Variants in BCAS3 observed in about 807,000 individuals in gnomAD.
BCAS3 encodes BCAS4/BCAS3 fusion.
Under a neutral mutation model 116.1 loss-of-function variants are expected in BCAS3, and 53 were observed. The observed-to-expected ratio is 0.46, with a 90% confidence interval of 0.37 to 0.57. The LOEUF (loss-of-function observed/expected upper bound fraction) is 0.57. BCAS3 is among the 20% of genes least tolerant of loss of function. BCAS3 has a pLI of 0.00. For synonymous variants in BCAS3, 391 were observed against 408.2 expected, an observed-to-expected ratio of 0.96 and a Z score of 0.51; for missense variants, 917 against 1,165.4, an observed-to-expected ratio of 0.79 and a Z score of 3.10.
chr17:60,854,999 G>T (rs1264235324), intron 7 of BCAS3, among the ~76,000 whole-genome samples: 1 of 137,668 alleles, frequency 7.3e-6, no homozygotes, highest in Non-Finnish European at 1.5e-5. Context: ...GCCCAGGCTG[G>T]AGTGCAGTGG....
chr17:61,243,753 CTT>C lies in BCAS3; in HGVS notation c.2426-124573_2426-124572del, dbSNP rs2047710170. ...CTAGAGACTTCAGGGAAAATAATAA[CTT>C]ATAACTATTTTATGTAGTTGAGGGA... On this transcript the variant is annotated intron_variant, in intron 22 of 23. Transcript: ENST00000407086. The surrounding 1 kb of genome is among the most constrained non-coding windows in gnomAD (Gnocchi z 5.6). 6.6e-6 allele frequency among the ~76,000 whole-genome samples: 1 copy of C among 152,164 alleles called. No homozygotes were observed. The highest frequency in any genetic ancestry group is 2.1e-4 in the South Asian group (1 of 4,826).
intron 23 of BCAS3, chr17:61,382,899 G>A (rs2059675481): frequency 6.6e-6 from 1 of 152,440 alleles, no homozygotes. Context: ...AGGAGGCCGA[G>A]GGGCAGAGGC....
At chr17:60,882,311 G>GT (rs1599401284) in intron 9 of BCAS3, among the ~76,000 whole-genome samples, 1 of 148,216 alleles carries the variant, frequency 6.7e-6, no homozygotes, top group South Asian at 2.1e-4. Flanking sequence ...TTGTAAATTT[G>GT]TTTGAGTTCA....
In BCAS3 at chr17:61,199,574, G is replaced by C. The variant is rs951443064; in HGVS notation, c.2425+115010G>C. On this transcript the variant is annotated intron_variant, in intron 22 of 23. Transcript: ENST00000407086. This position sits in a 1 kb window ranked among gnomAD's most constrained non-coding sequence, Gnocchi z 4.6. The stretch of plus-strand genomic sequence containing the variant: ...CCTGACTGCACCTTGTGAAAGGTTA[G>C]AACTGGGATAATAACTGTGATGAAC... Among the ~76,000 whole-genome samples the C allele has an allele frequency of 1.3e-5, 2 of 152,158 alleles. No individual in the cohort carries two copies. The highest frequency in any genetic ancestry group is 2.9e-5 in the Non-Finnish European group (2 of 68,032).
At chr17:61,100,439 C>A (rs936977130) in intron 22 of BCAS3, among the ~76,000 whole-genome samples, 2 of 152,164 alleles carry the variant, frequency 1.3e-5, no homozygotes, top group Non-Finnish European at 2.9e-5. Flanking sequence ...TGACACTTTT[C>A]ATTTCTCTTG....
intron 22 of BCAS3, among the ~76,000 whole-genome samples, chr17:61,177,402 C>T (rs1400870915): frequency 2.0e-5 from 3 of 152,070 alleles, no homozygotes; most frequent in South Asian, 4.1e-4. Flanking sequence ...TTGATAAATG[C>T]GATAATATGG....
At chr17:61,287,011 G>A (rs902210209) in intron 22 of BCAS3, among the ~76,000 whole-genome samples, 1 of 152,122 alleles carries the variant, frequency 6.6e-6, no homozygotes, top group South Asian at 2.1e-4. Context: ...CACTTTGGGA[G>A]GCTGAGGTGG....
chr17:60,767,421 T>C (rs1038738231), intron 6 of BCAS3, among the ~76,000 whole-genome samples: 19 of 145,486 alleles, frequency 1.3e-4, no homozygotes, highest in Non-Finnish European at 2.8e-4. Flanking sequence ...CTCGGCTCAC[T>C]GCAACCTCTG....
Position 61,011,691 on chromosome 17 carries a change from G to T in BCAS3, c.1487-4060G>T, listed in dbSNP as rs761590209. ...TATCCTCAGGAGTATAGGCAGCCTG[G>T]TGGAGTCTCCAGTATTGTGGAGGAC... is the stretch of plus-strand genomic sequence containing the variant. On this transcript the variant is annotated intron_variant, in intron 15 of 23. Coordinates refer to ENST00000407086, the MANE Select transcript of BCAS3 (RefSeq NM_017679.5). Among the ~76,000 whole-genome samples, 5 of 152,136 alleles carry T rather than the reference G, an allele frequency of 3.3e-5. No homozygotes were observed. The South Asian group carries it at 8.3e-4, about 25-fold the overall frequency.
chr17:60,810,022 G>A (rs1332591266), intron 7 of BCAS3: 1 of 181,686 alleles, frequency 5.5e-6, no homozygotes, highest in African/African-American at 2.4e-5. Flanking sequence ...TATATAAAAT[G>A]TCTATTTTTA....
intron 22 of BCAS3, among the ~76,000 whole-genome samples, chr17:61,177,612 T>C (rs139917328): frequency 7.9e-5 from 12 of 152,364 alleles, no homozygotes; most frequent in South Asian, 2.1e-4. Flanking sequence ...CACTACACTA[T>C]GTTCATTATC....
intron 19 of BCAS3, among the ~76,000 whole-genome samples, chr17:61,062,787 G>A (rs558909858): frequency 6.6e-6 from 1 of 152,276 alleles, no homozygotes; most frequent in South Asian, 2.1e-4. Flanking sequence ...TGTCAATGCT[G>A]TCTTTTTTAC....
At chr17:60,754,096 C>T (rs2042759635) in intron 6 of BCAS3, among the ~76,000 whole-genome samples, 1 of 152,126 alleles carries the variant, frequency 6.6e-6, no homozygotes, top group Non-Finnish European at 1.5e-5. Context: ...AGTGCAGTGG[C>T]ACAATCATGG....
At position 61,070,874 on chromosome 17, in the gene BCAS3, A is replaced by G. The variant is rs948685100; in HGVS notation, c.2030-4046A>G. Among the ~76,000 whole-genome samples the G allele has an allele frequency of 4.6e-5, 7 of 152,332 alleles. No homozygotes were observed. In the East Asian group the frequency reaches 1.2e-3, roughly 25 times the overall value. ...TGTATGAAAGTTGTGTGACGCTGGC[A>G]GGTCATATCTGTAAAACAGAAGCCA... On this transcript the variant is annotated intron_variant, in intron 19 of 23. Transcript: ENST00000407086.
At chr17:61,172,754 G>C (rs1241328394) in intron 22 of BCAS3, among the ~76,000 whole-genome samples, 1 of 151,928 alleles carries the variant, frequency 6.6e-6, no homozygotes, top group East Asian at 1.9e-4. Flanking sequence ...GGGAGGCCAA[G>C]GCGGGCGGAT....
chr17:61,316,977 C>G lies in BCAS3; in HGVS notation c.2426-51350C>G, dbSNP rs1161028750. On this transcript the variant is annotated intron_variant, in intron 22 of 23. Transcript: ENST00000407086. This position sits in a 1 kb window ranked among gnomAD's most constrained non-coding sequence, Gnocchi z 5.8. ...TATATGATCCAGAATTCCCTCTCAC[C>G]TCAGACACTGATGGTACTATTAGAG... 6.6e-6 allele frequency among the ~76,000 whole-genome samples: 1 copy of G among 152,180 alleles called. No homozygotes were observed.
chr17:60,798,531 C>T (rs1160197875), intron 6 of BCAS3, among the ~76,000 whole-genome samples: 1 of 152,106 alleles, frequency 6.6e-6, no homozygotes, highest in African/African-American at 2.4e-5. Flanking sequence ...CTTGATAGCT[C>T]ATTTCTTTTT....
chr17:60,770,013 T>A (rs1031750852), intron 6 of BCAS3, among the ~76,000 whole-genome samples: 1 of 152,040 alleles, frequency 6.6e-6, no homozygotes. Flanking sequence ...GACCTCAGGA[T>A]AAGCCCACCT....
intron 22 of BCAS3, among the ~76,000 whole-genome samples, chr17:61,108,355 T>G (rs1367239246): frequency 6.6e-6 from 1 of 152,116 alleles, no homozygotes; most frequent in Non-Finnish European, 1.5e-5. Flanking sequence ...TATAGTTGAG[T>G]CATGTGTTTT....
Sources: gnomAD v4.1 joint callset for allele counts (sites outside exome capture counted in the v4.1 genomes callset) on GRCh38, gnomAD v4.1.1 for gene constraint, Gnocchi (gnomAD v3.1) non-coding constraint, MANE v1.5 for transcripts, NCBI Gene and HGNC (gene_info 2026-07-23, HGNC 2026-07-21) for gene names.